IFT140: variants seen among roughly 807,000 people sequenced by gnomAD.
IFT140 encodes the protein intraflagellar transport protein 140 homolog.
IFT140 carries 133 observed loss-of-function variants against 164.6 expected under a neutral mutation model. That is an observed-to-expected ratio of 0.81 (90% CI 0.70 to 0.93). IFT140 has a LOEUF of 0.93. IFT140 is among the 40% of genes least tolerant of loss of function. The probability of loss-of-function intolerance (pLI) is 0.00; values close to 1 mark genes in which losing one functional copy is unlikely to be tolerated. For missense variants in IFT140, 2,045 were observed against 1,972.3 expected (o/e 1.04, Z -0.70); for synonymous variants, 860 against 817.3 (o/e 1.05, Z -0.89).
chr16:1,510,980 G>A lies in IFT140; in HGVS notation c.4353C>T (p.Asp1451=), dbSNP rs761585883. 8.7e-6 allele frequency: 14 copies of A among 1,612,156 alleles called. 1 individual carries two copies. The highest frequency in any genetic ancestry group is 6.6e-5 in the South Asian group (6 of 90,706). ...HNSMEDAREL[D]EEVVEEADDD... ...CATCTGCCTCTTCCACCACCTCCTC[G>A]TCCAGCTCCCTGGCGTCCTCCATGC... The change falls in exon 31 of 31, where the codon GAC becomes GAT. Residue 1451 remains aspartate (D), a synonymous_variant. Coordinates refer to ENST00000426508, the MANE Select transcript of IFT140 (RefSeq NM_014714.4).
intron 19 of IFT140, chr16:1,532,989 C>T (rs181151797): frequency 1.3e-5 from 2 of 152,498 alleles, no homozygotes; most frequent in Admixed American, 6.5e-5. Flanking sequence ...CGCTGAGAGC[C>T]CCACCCAGCA....
chr16:1,562,216 G>A (rs1448210640), intron 17 of IFT140, 100 bp from the exon 18 acceptor site: 1 of 1,062,744 alleles, frequency 9.4e-7, no homozygotes, highest in Non-Finnish European at 1.3e-6. Flanking sequence ...GTCACGGTGG[G>A]GTCGTTGCTA....
chr16:1,536,805 G>A lies in IFT140; in HGVS notation c.2400-10009C>T, dbSNP rs555564758. 4.9e-4 allele frequency among the ~76,000 whole-genome samples: 75 copies of A among 152,276 alleles called. 1 individual carries two copies. Among genetic ancestry groups the A allele is most frequent in the African/African-American group, 1.6e-3 (67 of 41,550 alleles). On this transcript the variant is annotated intron_variant, in intron 19 of 30. Transcript: ENST00000426508. ...CTGGTGCCCACCTCTCCAAGCCCAC[G>A]TGCTGCTCTCCCACGGGGTGGCCCC...
At chr16:1,593,610 C>A (rs2035302904) in intron 4 of IFT140, among the ~76,000 whole-genome samples, 4 of 152,172 alleles carry the variant, frequency 2.6e-5, no homozygotes, top group Admixed American at 1.3e-4. Flanking sequence ...TCTTAAGGCC[C>A]TGGACAGTGT....
chr16:1,534,258 G>A lies in IFT140; in HGVS notation c.2400-7462C>T, dbSNP rs1190978351. On this transcript the variant is annotated intron_variant, in intron 19 of 30. Coordinates refer to ENST00000426508, the MANE Select transcript of IFT140 (RefSeq NM_014714.4). ...GGACTTGGCTTTCTCCGGATAAGCG[G>A]CGGCACCGGCGTCAGCGATGACCGT... The A allele has an allele frequency of 1.9e-6, 3 of 1,608,196 alleles. No homozygotes were observed. In the East Asian group the frequency reaches 6.7e-5, roughly 36 times the overall value.
At chr16:1,585,775 T>TC (rs2034839291) in intron 10 of IFT140, among the ~76,000 whole-genome samples, 2 of 146,112 alleles carry the variant, frequency 1.4e-5, no homozygotes, top group African/African-American at 5.1e-5. Context: ...TCTTTTTTTT[T>TC]TTTTTTTTTT....
Position 1,519,981 on chromosome 16 carries a change from G to A in IFT140, c.3940C>T (p.Leu1314=). Residue 1314 remains leucine (L), a synonymous_variant, in exon 29 of 31, where the codon CTG becomes TTG. Coordinates refer to ENST00000426508, the MANE Select transcript of IFT140 (RefSeq NM_014714.4). ...HGALTEAYKC[L]AKAKAKSPLD... ...GGGCTCTTGGCCTTGGCCTTGGCCA[G>A]GCACTTGTAGGCCTCGGTCAGCGCC... 4 of 1,606,674 alleles carry A rather than the reference G, an allele frequency of 2.5e-6. No individual in the cohort carries two copies. The highest frequency in any genetic ancestry group is 1.1e-5 in the South Asian group (1 of 90,214).
rs749014402 is a variant in IFT140, at chr16:1,564,039, C to A, written c.2025G>T (p.Gln675His). Residue 675 changes from glutamine to histidine, a missense_variant, in exon 17 of 31, where the codon CAG (glutamine) becomes CAT (histidine). Gln to His is a conservative substitution (Grantham distance 24, BLOSUM62 0). Coordinates refer to ENST00000426508, the MANE Select transcript of IFT140 (RefSeq NM_014714.4). This position sits in a 1 kb window ranked among gnomAD's most constrained non-coding sequence, Gnocchi z 5.5. ...CATCTTGGGGCTGCCCGTTTGCAGACTGAGGCTGGGAGCGCGGCGTCTCCT... is the reference window on the plus strand; with the variant it reads ...CATCTTGGGGCTGCCCGTTTGCAGAATGAGGCTGGGAGCGCGGCGTCTCCT... ...AVQETPRSQPQSANGQPQDGR... is the reference protein window; with the variant it reads ...AVQETPRSQPHSANGQPQDGR... 8.8e-6 allele frequency: 14 copies of A among 1,598,220 alleles called. 1 individual carries two copies. In the South Asian group the frequency reaches 1.4e-4, roughly 16 times the overall value.
At chr16:1,596,183 A>C (rs1358067369) in intron 4 of IFT140, among the ~76,000 whole-genome samples, 1 of 145,640 alleles carries the variant, frequency 6.9e-6, no homozygotes, top group African/African-American at 2.5e-5. Context: ...TAGAAATGAA[A>C]ATGAATGACC....
At chr16:1,588,256 T>G (rs1473448884) in intron 7 of IFT140, among the ~76,000 whole-genome samples, 2 of 152,202 alleles carry the variant, frequency 1.3e-5, no homozygotes, top group Non-Finnish European at 2.9e-5. Flanking sequence ...CCGGCCGCAG[T>G]GGCTCATGCC....
rs1281386017 is a variant in IFT140 at position 1,551,350 on chromosome 16, C to T, written c.2399+6585G>A. Among the ~76,000 whole-genome samples, 1 of 152,056 alleles carries T rather than the reference C, an allele frequency of 6.6e-6. No individual in the cohort carries two copies. Among genetic ancestry groups the T allele is most frequent in the Non-Finnish European group, 1.5e-5 (1 of 67,992 alleles). On this transcript the variant is annotated intron_variant, in intron 19 of 30. Transcript: ENST00000426508. The surrounding 1 kb of genome is among the most constrained non-coding windows in gnomAD (Gnocchi z 4.0). ...ATCAGCAGCAGGAGGGGCCCCTCCT[C>T]CCCAGGGCCAGTCAAGCCGGGGACA...
chr16:1,602,670 G>A (rs1002027374), intron 3 of IFT140, 79 bp from the exon 4 acceptor site: 45 of 1,340,530 alleles, frequency 3.4e-5, no homozygotes, highest in East Asian at 4.8e-5. Context: ...GGCCGGGCAC[G>A]GCGGCTCACT....
At chr16:1,538,568 G>A (rs1179797722) in intron 19 of IFT140, among the ~76,000 whole-genome samples, 2 of 152,306 alleles carry the variant, frequency 1.3e-5, no homozygotes, top group East Asian at 1.9e-4. Context: ...CCTGGGCAGG[G>A]AATCTGAGCT....
intron 18 of IFT140, among the ~76,000 whole-genome samples, chr16:1,559,376 G>C (rs1368126102): frequency 1.3e-5 from 2 of 152,168 alleles, no homozygotes; most frequent in Non-Finnish European, 2.9e-5. Flanking sequence ...CTGTGAGGGA[G>C]GGACTGTCTA....
chr16:1,557,890 T>G, intron 19 of IFT140, 45 bp downstream of exon 19: 1 of 1,573,858 alleles, frequency 6.4e-7, no homozygotes, highest in Non-Finnish European at 8.7e-7. Flanking sequence ...GAAAGAGCCG[T>G]GAGCACGCGC....
chr16:1,583,730 G>A (rs1283210353), intron 11 of IFT140, among the ~76,000 whole-genome samples: 1 of 151,224 alleles, frequency 6.6e-6, no homozygotes, highest in East Asian at 1.9e-4. Context: ...CATGGCAGGT[G>A]TATATATTTT....
chr16:1,520,384 G>A lies in IFT140; in HGVS notation c.3661-41C>T, dbSNP rs747843045. ...GCGGGGCTCAGGCAAGCAGGGGCTG[G>A]GCCGGGACAAGCACAAGGGACCCCG... is the stretch of plus-strand genomic sequence containing the variant. On this transcript the variant is annotated intron_variant, in intron 27 of 30. Transcript: ENST00000426508. 5 of 1,599,568 alleles carry A rather than the reference G, an allele frequency of 3.1e-6. No homozygotes were observed. In the African/African-American group the frequency reaches 6.7e-5, roughly 21 times the overall value.
intron 18 of IFT140, among the ~76,000 whole-genome samples, chr16:1,558,466 C>T (rs1202780428): frequency 6.6e-6 from 1 of 152,230 alleles, no homozygotes; most frequent in Non-Finnish European, 1.5e-5. Context: ...GCTGTGTACC[C>T]TCTACGGGTA....
At chr16:1,591,959 TTGTC>T (rs1187167378) in intron 6 of IFT140, among the ~76,000 whole-genome samples, 1 of 152,204 alleles carries the variant, frequency 6.6e-6, no homozygotes, top group African/African-American at 2.4e-5. Flanking sequence ...AAAACTCAAC[TTGTC>T]TATCAGAACA....
Sources: gnomAD v4.1 joint callset for allele counts (sites outside exome capture counted in the v4.1 genomes callset) on GRCh38, gnomAD v4.1.1 for gene constraint, Gnocchi (gnomAD v3.1) non-coding constraint, MANE v1.5 for transcripts, NCBI Gene and HGNC (gene_info 2026-07-23, HGNC 2026-07-21) for gene names.